The following CYFIP2 variants were observed in gnomAD, a reference collection of about 807,000 sequenced individuals.
CYFIP2 encodes the protein cytoplasmic FMR1-interacting protein 2.
Under a neutral mutation model 158.7 loss-of-function variants are expected in CYFIP2, and 29 were observed. That is an observed-to-expected ratio of 0.18 (90% confidence interval 0.14 to 0.25). The LOEUF (loss-of-function observed/expected upper bound fraction) is 0.25, where lower values mean the gene tolerates loss of function less well. Ranked by LOEUF, CYFIP2 falls within the 10% of genes least tolerant of loss-of-function variation. The pLI, the probability that CYFIP2 is intolerant of heterozygous loss-of-function variation, is 1.00. For synonymous variants in CYFIP2, 585 were observed against 617.6 expected (o/e 0.95, Z 0.78); for missense variants, 852 against 1,639.5 (o/e 0.52, Z 8.29).
At chr5:157,391,643 T>C (rs541692063) in intron 30 of CYFIP2, among the ~76,000 whole-genome samples, 1 of 152,342 alleles carries the variant, frequency 6.6e-6, no homozygotes, top group East Asian at 1.9e-4. Context: ...TAATATTGCA[T>C]TGTGTATATA....
intron 1 of CYFIP2, chr5:157,269,412 C>G (rs1177266744): frequency 2.0e-5 from 3 of 152,158 alleles, no homozygotes; most frequent in African/African-American, 7.2e-5. Context: ...ATGTTGAGGG[C>G]ATGCTTTGCT....
chr5:157,355,466 A>G (rs1763350066), intron 23 of CYFIP2, among the ~76,000 whole-genome samples: 1 of 152,090 alleles, frequency 6.6e-6, no homozygotes, highest in Non-Finnish European at 1.5e-5. Flanking sequence ...AAACAACCCT[A>G]TTGGATTTGG....
intron 1 of CYFIP2, among the ~76,000 whole-genome samples, chr5:157,280,458 A>G (rs1166365822): frequency 6.6e-6 from 1 of 150,868 alleles, no homozygotes; most frequent in Non-Finnish European, 1.5e-5. Context: ...TCCTGACCTC[A>G]GGTGATCCAC....
chr5:157,279,906 G>C (rs915979819), intron 1 of CYFIP2, among the ~76,000 whole-genome samples: 1 of 152,150 alleles, frequency 6.6e-6, no homozygotes, highest in African/African-American at 2.4e-5. Flanking sequence ...CAAATTTCCA[G>C]AATATTTTTC....
chr5:157,339,065 G>A lies in CYFIP2; in HGVS notation c.2394G>A (p.Glu798=), dbSNP rs1480653382. Residue 798 remains glutamate, a synonymous_variant, in exon 22 of 31, where the codon GAG becomes GAA. Transcript: ENST00000620254. The part of the protein sequence containing the change: ...SEDLTSIVEL[E]WLLEINRLTH... ...GCTCTCTCTCTGTACAGGAGCTGGA[G>A]TGGCTGCTGGAGATTAACCGGCTCA... 6.2e-7 allele frequency: 1 copy of A among 1,609,900 alleles called. No homozygotes were observed. Among genetic ancestry groups the A allele is most frequent in the Non-Finnish European group, 8.5e-7 (1 of 1,178,354 alleles).
chr5:157,366,764 C>A (rs1764411188), intron 26 of CYFIP2, among the ~76,000 whole-genome samples: 1 of 152,186 alleles, frequency 6.6e-6, no homozygotes, highest in African/African-American at 2.4e-5. Context: ...AAAGGAAATT[C>A]TATTAATGTC....
chr5:157,311,803 G>T lies in CYFIP2; in HGVS notation c.1110+22G>T. The T allele has an allele frequency of 6.4e-7, 1 of 1,572,688 alleles. No individual in the cohort carries two copies. Among genetic ancestry groups the T allele is most frequent in the East Asian group, 2.3e-5 (1 of 42,646 alleles). ...TGAGGTGAGCATGCAGGCTGCTGGG[G>T]CACAGGCCCGTGGGCCCAGGGCCAG... On this transcript the variant is annotated intron_variant, in intron 11 of 30. Transcript: ENST00000620254. This position sits in a 1 kb window ranked among gnomAD's most constrained non-coding sequence, Gnocchi z 4.7.
chr5:157,378,688 C>T (rs1250836073), intron 26 of CYFIP2, among the ~76,000 whole-genome samples: 1 of 152,164 alleles, frequency 6.6e-6, no homozygotes, highest in Non-Finnish European at 1.5e-5. Flanking sequence ...CCTTGATGTC[C>T]TTGTCCACAG....
chr5:157,290,716 A>C (rs1757755083), intron 3 of CYFIP2, among the ~76,000 whole-genome samples: 1 of 152,218 alleles, frequency 6.6e-6, no homozygotes, highest in African/African-American at 2.4e-5. Flanking sequence ...GGATAACACC[A>C]AAATCTCCCT....
chr5:157,369,822 A>G (rs555853822), intron 26 of CYFIP2, among the ~76,000 whole-genome samples: 7 of 152,060 alleles, frequency 4.6e-5, no homozygotes, highest in African/African-American at 1.7e-4. Flanking sequence ...ATCTGCTTAA[A>G]AATTCTGATC....
intron 8 of CYFIP2, among the ~76,000 whole-genome samples, chr5:157,304,983 A>G (rs1000003423): frequency 6.6e-6 from 1 of 152,160 alleles, no homozygotes; most frequent in African/African-American, 2.4e-5. Flanking sequence ...CTTAGCTCCC[A>G]CTTATAAATG....
In CYFIP2 at chr5:157,294,256, C is replaced by T. The variant is rs77071234; in HGVS notation, c.208-527C>T. 7.7e-3 allele frequency among the ~76,000 whole-genome samples: 1,165 copies of T among 152,268 alleles called. 20 individuals are homozygous for T. The highest frequency in any genetic ancestry group is 0.027 in the African/African-American group (1,106 of 41,546). ...CCTTGCTTTAAGGTTAAACTGTCAACGAAATTCCTCCCAAAGTTAGCCTAC... is the reference window on the plus strand; with the variant it reads ...CCTTGCTTTAAGGTTAAACTGTCAATGAAATTCCTCCCAAAGTTAGCCTAC... On this transcript the variant is annotated intron_variant, in intron 3 of 30. Coordinates refer to ENST00000620254, the MANE Select transcript of CYFIP2 (RefSeq NM_001037333.3).
Position 157,383,111 on chromosome 5 carries a change from T to G in CYFIP2, c.3113-154T>G. On this transcript the variant is annotated intron_variant, in intron 27 of 30. Coordinates refer to ENST00000620254, the MANE Select transcript of CYFIP2 (RefSeq NM_001037333.3). The stretch of plus-strand genomic sequence containing the variant: ...ATAGAACATTTTTCCTTGTAAAAAC[T>G]ACTCACACTTTCCAGAACGAAGGAG... 16 of 639,976 alleles carry G rather than the reference T, an allele frequency of 2.5e-5. No homozygotes were observed. The South Asian group carries it at 2.8e-4, about 11-fold the overall frequency. The allele number at this position is 639,976 out of a possible 1,614,324, so 39.6% of individuals were successfully genotyped here. A position where few individuals can be genotyped will look rare whatever the true frequency, so the allele number is the denominator to read the frequency against.
At chr5:157,273,357 T>G (rs1756263990) in intron 1 of CYFIP2, among the ~76,000 whole-genome samples, 1 of 152,124 alleles carries the variant, frequency 6.6e-6, no homozygotes, top group Non-Finnish European at 1.5e-5. Flanking sequence ...TTGTTCTCAT[T>G]CTAAACCTCA....
Position 157,319,235 on chromosome 5 carries a change from C to T in CYFIP2, c.1357-527C>T, listed in dbSNP as rs1561722458. Among the ~76,000 whole-genome samples the T allele has an allele frequency of 2.6e-5, 4 of 152,102 alleles. No homozygotes were observed. In the South Asian group the frequency reaches 8.3e-4, roughly 32 times the overall value. ...GAAATAGGGGAGTAGAGGCATTCTC[C>T]CCCATGACTTCTGCAGGAGAAGTTT... On this transcript the variant is annotated intron_variant, in intron 13 of 30. Coordinates refer to ENST00000620254, the MANE Select transcript of CYFIP2 (RefSeq NM_001037333.3).
intron 19 of CYFIP2, among the ~76,000 whole-genome samples, chr5:157,328,331 G>T (rs566561540): frequency 6.6e-6 from 1 of 152,320 alleles, no homozygotes; most frequent in African/African-American, 2.4e-5. Flanking sequence ...AAAAGCTCAT[G>T]GGAATGTACG....
chr5:157,288,895 T>A (rs1757605516), intron 3 of CYFIP2, among the ~76,000 whole-genome samples: 1 of 152,098 alleles, frequency 6.6e-6, no homozygotes, highest in Non-Finnish European at 1.5e-5. Flanking sequence ...CTTGAGAGAG[T>A]CAGAGAAAGC....
intron 13 of CYFIP2, 64 bp downstream of exon 13, chr5:157,315,158 T>C: frequency 6.3e-7 from 1 of 1,591,600 alleles, no homozygotes; most frequent in South Asian, 1.1e-5. Context: ...GGTTCCTGAG[T>C]AGTTCTGAGC....
chr5:157,268,646 G>A (rs1438812003), intron 1 of CYFIP2, among the ~76,000 whole-genome samples: 1 of 152,250 alleles, frequency 6.6e-6, no homozygotes, highest in Non-Finnish European at 1.5e-5. Flanking sequence ...TCCACCAAAA[G>A]CGTCACAAAA....
Sources: gnomAD v4.1 joint callset for allele counts (sites outside exome capture counted in the v4.1 genomes callset) on GRCh38, gnomAD v4.1.1 for gene constraint, Gnocchi (gnomAD v3.1) non-coding constraint, MANE v1.5 for transcripts, NCBI Gene and HGNC (gene_info 2026-07-23, HGNC 2026-07-21) for gene names.